Variants in SGSM1 observed in about 807,000 individuals in gnomAD.
SGSM1 encodes small G protein signaling modulator 1, also known as RUN and TBC1 domain containing 2.
In SGSM1, 73 loss-of-function variants were observed where a neutral mutation model predicts 133.8. The observed-to-expected ratio is 0.55, with a 90% CI of 0.45 to 0.66. SGSM1 has a LOEUF of 0.66. SGSM1 is among the 30% of genes least tolerant of loss of function. The pLI, the probability that SGSM1 is intolerant of heterozygous loss-of-function variation, is 0.00. For missense variants in SGSM1, 1,213 were observed against 1,448.1 expected (o/e 0.84, Z 2.64); for synonymous variants, 563 against 573.0 (o/e 0.98, Z 0.25).
intron 22 of SGSM1, among the ~76,000 whole-genome samples, chr22:24,915,034 A>C (rs190595381): frequency 0.024 from 3,622 of 152,036 alleles, 68 homozygotes; most frequent in Non-Finnish European, 0.034. Flanking sequence ...TGAGACCATC[A>C]TGGCTAACAC....
At chr22:24,858,999 A>G (rs898379402) in intron 8 of SGSM1, among the ~76,000 whole-genome samples, 1 of 152,330 alleles carries the variant, frequency 6.6e-6, no homozygotes, top group South Asian at 2.1e-4. Context: ...AACAATCAAG[A>G]TGTGTGTCTT....
chr22:24,890,215 C>G (rs949037348), intron 16 of SGSM1, among the ~76,000 whole-genome samples: 1 of 152,198 alleles, frequency 6.6e-6, no homozygotes. Flanking sequence ...CTTGGCCTCC[C>G]AAAGTCCTGG....
intron 17 of SGSM1, among the ~76,000 whole-genome samples, chr22:24,893,952 T>C (rs575064954): frequency 6.6e-6 from 1 of 152,346 alleles, no homozygotes; most frequent in South Asian, 2.1e-4. Flanking sequence ...CTGACTTTCA[T>C]TGATTCAACA....
intron 9 of SGSM1, among the ~76,000 whole-genome samples, chr22:24,864,835 C>T (rs1302007812): frequency 1.3e-5 from 2 of 152,188 alleles, no homozygotes; most frequent in Non-Finnish European, 2.9e-5. Flanking sequence ...AATTATACCT[C>T]AGTAAAGCTG....
intron 4 of SGSM1, among the ~76,000 whole-genome samples, chr22:24,849,289 C>T (rs1930321517): frequency 6.6e-6 from 1 of 151,210 alleles, no homozygotes; most frequent in African/African-American, 2.4e-5. Flanking sequence ...TGCGGTGGCT[C>T]ATGCCTGTAG....
At chr22:24,833,907 G>A (rs960974851) in intron 2 of SGSM1, among the ~76,000 whole-genome samples, 2 of 152,256 alleles carry the variant, frequency 1.3e-5, no homozygotes. Flanking sequence ...TGGTGACAGA[G>A]CTAGAACTTT....
At chr22:24,835,849 A>C (rs1052105789) in intron 2 of SGSM1, among the ~76,000 whole-genome samples, 8 of 152,172 alleles carry the variant, frequency 5.3e-5, no homozygotes, top group Non-Finnish European at 2.9e-5. Flanking sequence ...GACGGGAGCC[A>C]TGGAAGAGTT....
At chr22:24,814,154 GTATT>G (rs1380319944) in intron 2 of SGSM1, 6 of 152,098 alleles carry the variant, frequency 3.9e-5, no homozygotes, top group Non-Finnish European at 8.8e-5. Context: ...AATTTGCCAA[GTATT>G]TATTCAAGAC....
chr22:24,915,202 C>A (rs770030057), intron 22 of SGSM1, among the ~76,000 whole-genome samples: 10 of 151,986 alleles, frequency 6.6e-5, no homozygotes, highest in Non-Finnish European at 1.2e-4. Context: ...GGACTCCAGC[C>A]TGGGCGACAG....
At chr22:24,881,566 A>C (rs1569161026) in intron 14 of SGSM1, among the ~76,000 whole-genome samples, 1 of 150,404 alleles carries the variant, frequency 6.6e-6, no homozygotes, top group African/African-American at 2.4e-5. Context: ...ACTCCGTCTC[A>C]AAAACAAAAC....
At chr22:24,893,292 T>G in intron 16 of SGSM1, 139 bp from the exon 17 acceptor site, 1 of 825,636 alleles carries the variant, frequency 1.2e-6, no homozygotes, top group Non-Finnish European at 1.9e-6. Context: ...CATAGCATAG[T>G]AGGTGCTCAG....
chr22:24,871,162 C>G (rs2147878271), intron 12 of SGSM1, among the ~76,000 whole-genome samples: 1 of 152,244 alleles, frequency 6.6e-6, no homozygotes, highest in Admixed American at 6.5e-5. Flanking sequence ...TTACTTTGCT[C>G]TAAGTTGTGA....
At chr22:24,895,331 C>G (rs778539322) in intron 18 of SGSM1, 40 bp downstream of exon 18, 23 of 1,588,066 alleles carry the variant, frequency 1.4e-5, no homozygotes, top group South Asian at 3.4e-5. Flanking sequence ...ACCCACTCCT[C>G]TCCCTTCTGC....
At chr22:24,868,879 C>T (rs1004956721) in intron 12 of SGSM1, 24 bp downstream of exon 12, 17 of 1,610,366 alleles carry the variant, frequency 1.1e-5, no homozygotes, top group Middle Eastern at 1.9e-4. Flanking sequence ...TCCCGGGCCC[C>T]GGGGAGTCAC....
chr22:24,856,768 CTTT>C (rs113036395), intron 8 of SGSM1, among the ~76,000 whole-genome samples: 2 of 139,340 alleles, frequency 1.4e-5, no homozygotes, highest in Non-Finnish European at 1.6e-5. Context: ...AGTTTCTTTT[CTTT>C]TTTTTTTTTT....
chr22:24,886,358 A>T (rs905763312), intron 15 of SGSM1, among the ~76,000 whole-genome samples: 1 of 148,290 alleles, frequency 6.7e-6, no homozygotes, highest in African/African-American at 2.5e-5. Flanking sequence ...CCAAGATCAC[A>T]CCACTGCACT....
At position 24,901,855 on chromosome 22, in the gene SGSM1, C is replaced by T. The variant is rs763584125; in HGVS notation, c.2633C>T (p.Thr878Met). The T allele has an allele frequency of 9.3e-6, 15 of 1,612,850 alleles. No homozygotes were observed. The highest frequency in any genetic ancestry group is 5.0e-5 in the Admixed American group (3 of 59,896). The change falls in exon 20 of 25, where the codon ACG becomes ATG. Residue 878 changes from threonine to methionine, a missense_variant. Thr to Met is a moderately conservative substitution (Grantham distance 81). Transcript: ENST00000400358. ...TYSPELLDLY[T>M]VNLHRIEKDV... ...TAGCCAGAGCTGCTGGATCTGTACA[C>T]GGTGAACCTGCACCGCATCGAGAAG...
At chr22:24,900,320 TTTG>T (rs1440298448) in intron 19 of SGSM1, among the ~76,000 whole-genome samples, 23 of 151,268 alleles carry the variant, frequency 1.5e-4, no homozygotes, top group Admixed American at 1.1e-3. Context: ...CACCCCAGCT[TTTG>T]TTCTTATTGT....
intron 16 of SGSM1, among the ~76,000 whole-genome samples, chr22:24,887,745 G>A (rs574982509): frequency 3.9e-5 from 6 of 152,238 alleles, no homozygotes; most frequent in Non-Finnish European, 8.8e-5. Context: ...GGGCAACATC[G>A]GGAGACCCTG....
Sources: allele counts gnomAD v4.1 joint callset (sites outside exome capture counted in the v4.1 genomes callset), GRCh38; gene constraint gnomAD v4.1.1; transcripts MANE v1.5; gene names NCBI Gene and HGNC (gene_info 2026-07-23, HGNC 2026-07-21).